SPDEF: variants seen among roughly 807,000 people sequenced by gnomAD.
The protein encoded by SPDEF is SAM pointed domain-containing Ets transcription factor.
A neutral mutation model predicts 36.0 loss-of-function variants in SPDEF; 12 were observed. The ratio of observed to expected loss-of-function variants is 0.33; its 90% confidence interval spans 0.21 to 0.54. The LOEUF is 0.54. SPDEF is among the 20% of genes least tolerant of loss of function. The probability of loss-of-function intolerance (pLI) is 0.93; values close to 1 mark genes in which losing one functional copy is unlikely to be tolerated. For synonymous variants in SPDEF, 205 were observed against 193.0 expected, an observed-to-expected ratio of 1.06 and a Z score of -0.51; for missense variants, 388 against 456.9, an observed-to-expected ratio of 0.85 and a Z score of 1.37.
chr6:34,556,135 G>A lies in SPDEF; in HGVS notation c.-236C>T, dbSNP rs1325207488. The stretch of plus-strand genomic sequence containing the variant: ...CCACCCTCAAGGGGTGGCCCTCTGA[G>A]GTCTCAGGGCTGCGTGCCTGTAGGG... On this transcript the variant is annotated 5_prime_UTR_variant, in exon 1 of 6. Coordinates refer to ENST00000374037, the MANE Select transcript of SPDEF (RefSeq NM_012391.3). The A allele has an allele frequency of 6.6e-6, 1 of 152,214 alleles. No homozygotes were observed. Among genetic ancestry groups the A allele is most frequent in the Non-Finnish European group, 1.5e-5 (1 of 68,052 alleles). 9.4% of individuals were successfully genotyped at this position (152,214 alleles called of 1,614,324 possible).
Position 34,544,108 on chromosome 6 carries a change from C to G in SPDEF, c.348G>C (p.Glu116Asp). The part of the protein sequence containing the change: ...DLVPGGLTLE[E>D]HSLEQVQSMV... The stretch of plus-strand genomic sequence containing the variant: ...TGGACTGCACCTGCTCCAGCGAGTG[C>G]TCCTCCAAGGTCAGCCCGCCGGGCA... The change falls in exon 2 of 6, where the codon GAG (glutamate) becomes GAC (aspartate). Residue 116 changes from glutamate to aspartate, a missense_variant. Physicochemically the swap from Glu to Asp is conservative, Grantham distance 45 (BLOSUM62 2). Coordinates refer to ENST00000374037, the MANE Select transcript of SPDEF (RefSeq NM_012391.3). The surrounding 1 kb of genome is among the most constrained non-coding windows in gnomAD (Gnocchi z 4.4). 1 of 1,613,610 alleles carries G rather than the reference C, an allele frequency of 6.2e-7. No homozygotes were observed. The highest frequency in any genetic ancestry group is 8.5e-7 in the Non-Finnish European group (1 of 1,179,858).
At chr6:34,541,273 A>T in intron 2 of SPDEF, 92 bp from the exon 3 acceptor site, 1 of 1,308,428 alleles carries the variant, frequency 7.6e-7, no homozygotes, top group East Asian at 2.5e-5. Flanking sequence ...GCCTGAGACC[A>T]TGTGCTCTTG....
rs189780025 is a variant in SPDEF, at chr6:34,540,943, G to A, written c.634+41C>T. On this transcript the variant is annotated intron_variant, in intron 3 of 5. Transcript: ENST00000374037. ...CTAGCCAGCATCCTGTCCCTGGCTTGGAGCCTGGGAGGGGCTGCTCCCAGC... is the reference window on the plus strand; with the variant it reads ...CTAGCCAGCATCCTGTCCCTGGCTTAGAGCCTGGGAGGGGCTGCTCCCAGC... 2.7e-5 allele frequency: 43 copies of A among 1,578,658 alleles called. No homozygotes were observed. The Admixed American group carries it at 6.8e-4, about 25-fold the overall frequency.
At chr6:34,547,615 C>T (rs2127290867) in intron 1 of SPDEF, among the ~76,000 whole-genome samples, 1 of 152,260 alleles carries the variant, frequency 6.6e-6, no homozygotes, top group African/African-American at 2.4e-5. Flanking sequence ...GATCCCCCTG[C>T]TTCAGCCTCC....
chr6:34,540,908 G>A (rs1163389177), intron 3 of SPDEF, 76 bp downstream of exon 3: 1 of 1,432,814 alleles, frequency 7.0e-7, no homozygotes, highest in Middle Eastern at 2.5e-4. Flanking sequence ...CCCTAGCAGA[G>A]GGCAACCTCC....
intron 1 of SPDEF, among the ~76,000 whole-genome samples, chr6:34,554,033 C>T (rs903698863): frequency 6.6e-6 from 1 of 152,022 alleles, no homozygotes; most frequent in Non-Finnish European, 1.5e-5. Context: ...CTTTAACAGG[C>T]AATAGCCTTG....
At position 34,539,419 on chromosome 6, in the gene SPDEF, G is replaced by A. The variant is rs201024618; in HGVS notation, c.683-23C>T. The A allele has an allele frequency of 2.7e-5, 43 of 1,612,756 alleles. No homozygotes were observed. In the Admixed American group the frequency reaches 3.3e-4, roughly 12 times the overall value. On this transcript the variant is annotated intron_variant, in intron 4 of 5. Coordinates refer to ENST00000374037, the MANE Select transcript of SPDEF (RefSeq NM_012391.3). The surrounding 1 kb of genome is among the most constrained non-coding windows in gnomAD (Gnocchi z 5.2). ...AGGCTGGGTGGCCAGGGAGGGTGGC[G>A]GTGAGTGGGAATGGGAGGCCAGTCC...
At position 34,540,932 on chromosome 6, in the gene SPDEF, G is replaced by A. The variant is rs575896128; in HGVS notation, c.634+52C>T. 317 of 1,553,766 alleles carry A rather than the reference G, an allele frequency of 2.0e-4. 1 individual carries two copies. Among genetic ancestry groups the A allele is most frequent in the African/African-American group, 5.0e-4 (37 of 74,080 alleles). ...AGGGCAACCTCCTAGCCAGCATCCTGTCCCTGGCTTGGAGCCTGGGAGGGG... is the reference window on the plus strand; with the variant it reads ...AGGGCAACCTCCTAGCCAGCATCCTATCCCTGGCTTGGAGCCTGGGAGGGG... On this transcript the variant is annotated intron_variant, in intron 3 of 5. Coordinates refer to ENST00000374037, the MANE Select transcript of SPDEF (RefSeq NM_012391.3).
chr6:34,539,321 T>A lies in SPDEF; in HGVS notation c.758A>T (p.Gln253Leu). 6.2e-7 allele frequency: 1 copy of A among 1,613,970 alleles called. No individual in the cohort carries two copies. The highest frequency in any genetic ancestry group is 8.5e-7 in the Non-Finnish European group (1 of 1,180,042). ...SCSGQPIHLW[Q>L]FLKELLLKPH... ...CTTGAGTAGCAACTCCTTGAGGAAC[T>A]GCCACAGGTGGATGGGCTGCCCGGA... The change falls in exon 5 of 6, where the codon CAG (glutamine) becomes CTG (leucine). Residue 253 changes from glutamine to leucine, a missense_variant. Around this residue, in one of 2 missense-constraint regions of SPDEF, gnomAD observed 80 missense variants for 130.8 expected, o/e 0.61. Coordinates refer to ENST00000374037, the MANE Select transcript of SPDEF (RefSeq NM_012391.3). The surrounding 1 kb of genome is among the most constrained non-coding windows in gnomAD (Gnocchi z 5.2).
chr6:34,542,687 G>A (rs947004540), intron 2 of SPDEF, among the ~76,000 whole-genome samples: 31 of 152,056 alleles, frequency 2.0e-4, no homozygotes, highest in Admixed American at 1.8e-3. Context: ...TCAGAAGTTC[G>A]AGACCAGCCT....
intron 1 of SPDEF, among the ~76,000 whole-genome samples, chr6:34,549,310 G>C (rs1006116415): frequency 2.0e-5 from 3 of 152,212 alleles, no homozygotes; most frequent in Non-Finnish European, 2.9e-5. Context: ...GTGGCGGCCA[G>C]GGGGATTAGC....
At chr6:34,545,112 G>A (rs568971044) in intron 1 of SPDEF, among the ~76,000 whole-genome samples, 3 of 152,286 alleles carry the variant, frequency 2.0e-5, no homozygotes, top group Non-Finnish European at 4.4e-5. Flanking sequence ...ACACTCTCAA[G>A]GTGGCCACTG....
At chr6:34,554,490 C>A (rs1768126273) in intron 1 of SPDEF, among the ~76,000 whole-genome samples, 1 of 152,248 alleles carries the variant, frequency 6.6e-6, no homozygotes, top group Non-Finnish European at 1.5e-5. Flanking sequence ...GCTCTGGATA[C>A]CCCCACGGGG....
In SPDEF at chr6:34,552,974, C is replaced by T. The variant is rs976621377; in HGVS notation, c.-30+2955G>A. ...GAGCAGAGAGGCCTGGGCCTTGCCC[C>T]GCAACCAGTCTCAGGCGCTGGAGCC... is the stretch of plus-strand genomic sequence containing the variant. On this transcript the variant is annotated intron_variant, in intron 1 of 5. Transcript: ENST00000374037. This position sits in a 1 kb window ranked among gnomAD's most constrained non-coding sequence, Gnocchi z 4.6. Among the ~76,000 whole-genome samples, 3 of 152,270 alleles carry T rather than the reference C, an allele frequency of 2.0e-5. No homozygotes were observed. The highest frequency in any genetic ancestry group is 6.5e-5 in the Admixed American group (1 of 15,302).
intron 2 of SPDEF, among the ~76,000 whole-genome samples, chr6:34,542,766 T>A (rs570634011): frequency 2.0e-5 from 3 of 151,394 alleles, no homozygotes; most frequent in Non-Finnish European, 4.4e-5. Context: ...GGCAGACACC[T>A]GTAATCCCAG....
rs766166304 is a variant in SPDEF at position 34,544,343 on chromosome 6, A to C, written c.113T>G (p.Leu38Arg). 6.2e-7 allele frequency: 1 copy of C among 1,606,796 alleles called. No homozygotes were observed. Residue 38 changes from leucine (L) to arginine (R), a missense_variant, in exon 2 of 6, where the codon CTC (leucine) becomes CGC (arginine). Leu to Arg is a moderately radical substitution (Grantham distance 102). Around this residue, in one of 2 missense-constraint regions of SPDEF, gnomAD observed 308 missense variants for 326.1 expected, o/e 0.94. Transcript: ENST00000374037. The surrounding 1 kb of genome is among the most constrained non-coding windows in gnomAD (Gnocchi z 4.4). The part of the protein sequence containing the change: ...LEKAAAGAVG[L>R]ERRDWSPSPP... ...ACTGGGACTCCAGTCCCGTCTCTCG[A>C]GACCCACTGCCCCCGCTGCCGCCTT...
At position 34,555,352 on chromosome 6, in the gene SPDEF, TG is replaced by T. The variant is rs1768146797; in HGVS notation, c.-30+576del. On this transcript the variant is annotated intron_variant, in intron 1 of 5. Coordinates refer to ENST00000374037, the MANE Select transcript of SPDEF (RefSeq NM_012391.3). The surrounding 1 kb of genome is among the most constrained non-coding windows in gnomAD (Gnocchi z 5.2). ...CCCCAGTGTCCAAGGGCTCAGAGTG[TG>T]TGCTCAGCGGTGACCCCAGCCCCCT... 6.6e-6 allele frequency among the ~76,000 whole-genome samples: 1 copy of T among 152,042 alleles called. No homozygotes were observed. Among genetic ancestry groups the T allele is most frequent in the Admixed American group, 6.5e-5 (1 of 15,270 alleles).
chr6:34,546,747 G>T (rs1442306541), intron 1 of SPDEF, among the ~76,000 whole-genome samples: 1 of 150,958 alleles, frequency 6.6e-6, no homozygotes, highest in Non-Finnish European at 1.5e-5. Context: ...CCCATTCAAG[G>T]GCTCCTTTAA....
At position 34,555,087 on chromosome 6, in the gene SPDEF, G is replaced by A. The variant is rs545344728; in HGVS notation, c.-30+842C>T. Among the ~76,000 whole-genome samples the A allele has an allele frequency of 5.3e-4, 80 of 151,712 alleles. No individual in the cohort carries two copies. The highest frequency in any genetic ancestry group is 1.7e-3 in the African/African-American group (72 of 41,350). ...ACACACATGCACATGCAACACGCAC[G>A]CGCACATGCACACACCACACACACA... is the stretch of plus-strand genomic sequence containing the variant. On this transcript the variant is annotated intron_variant, in intron 1 of 5. Transcript: ENST00000374037. The surrounding 1 kb of genome is among the most constrained non-coding windows in gnomAD (Gnocchi z 5.2).
Sources: gnomAD v4.1 joint callset for allele counts (sites outside exome capture counted in the v4.1 genomes callset) on GRCh38, gnomAD v4.1.1 for gene constraint, gnomAD v4.1.1 regional missense constraint, Gnocchi (gnomAD v3.1) non-coding constraint, MANE v1.5 for transcripts, NCBI Gene and HGNC (gene_info 2026-07-23, HGNC 2026-07-21) for gene names.